PCDHA1: variants seen among roughly 807,000 people sequenced by gnomAD.
The protein encoded by PCDHA1 is protocadherin alpha-1.
PCDHA1 carries 42 observed loss-of-function variants against 61.3 expected under a neutral mutation model. The observed-to-expected ratio is 0.69, with a 90% CI of 0.54 to 0.89. PCDHA1 has a LOEUF of 0.89. PCDHA1 is among the 40% of genes least tolerant of loss of function. The pLI is 0.00. For missense variants in PCDHA1, 1,256 were observed against 1,235.3 expected, an observed-to-expected ratio of 1.02 and a Z score of -0.25; for synonymous variants, 610 against 553.8, an observed-to-expected ratio of 1.10 and a Z score of -1.43.
intron 1 of PCDHA1, chr5:140,824,471 T>C (rs1044239282): frequency 9.9e-6 from 4 of 402,254 alleles, no homozygotes; most frequent in African/African-American, 2.1e-5. Context: ...TTTATTTTAT[T>C]GTTATTTTTT....
chr5:140,833,890 A>G (rs1772705183), intron 1 of PCDHA1, among the ~76,000 whole-genome samples: 1 of 152,210 alleles, frequency 6.6e-6, no homozygotes, highest in African/African-American at 2.4e-5. Context: ...TGGGATCTAG[A>G]TCAAAGGAAT....
At chr5:140,957,023 G>C (rs1360382480) in intron 1 of PCDHA1, among the ~76,000 whole-genome samples, 2 of 152,100 alleles carry the variant, frequency 1.3e-5, no homozygotes, top group Non-Finnish European at 2.9e-5. Flanking sequence ...TGAGCATTTA[G>C]ATATTTATGG....
chr5:140,834,621 C>G lies in PCDHA1; in HGVS notation c.2394+45937C>G, dbSNP rs1479128016. On this transcript the variant is annotated intron_variant, in intron 1 of 3. Coordinates refer to ENST00000504120, the MANE Select transcript of PCDHA1 (RefSeq NM_018900.4). ...TGGGGATCTTCTGGAGGTAAATCTG[C>G]AGAATGGCATTTTGTTTGTGAATTC... The G allele has an allele frequency of 2.5e-6, 4 of 1,614,176 alleles. No homozygotes were observed. In the African/African-American group the frequency reaches 5.3e-5, roughly 22 times the overall value.
intron 1 of PCDHA1, among the ~76,000 whole-genome samples, chr5:140,827,710 T>C (rs1414085053): frequency 3.3e-5 from 5 of 152,232 alleles, no homozygotes; most frequent in Admixed American, 6.5e-5. Context: ...GTTGCAAATA[T>C]TGGTAGAAAA....
intron 1 of PCDHA1, chr5:140,841,149 T>G: frequency 1.3e-6 from 1 of 781,862 alleles, no homozygotes. Flanking sequence ...ATGATGTCGC[T>G]GTCTACCAAG....
At chr5:140,858,600 T>TA (rs1554151860) in intron 1 of PCDHA1, 1 of 1,293,862 alleles carries the variant, frequency 7.7e-7, no homozygotes, top group Non-Finnish European at 1.1e-6. Context: ...CCAGGAGTTT[T>TA]AAAATTTTTT....
intron 3 of PCDHA1, among the ~76,000 whole-genome samples, chr5:141,000,691 G>A (rs1177204689): frequency 3.3e-5 from 5 of 151,460 alleles, no homozygotes; most frequent in African/African-American, 1.2e-4. Flanking sequence ...GCCTCCCAAA[G>A]TGCTGGGATT....
chr5:140,876,283 G>T, intron 1 of PCDHA1: 1 of 1,614,056 alleles, frequency 6.2e-7, no homozygotes, highest in Non-Finnish European at 8.5e-7. Context: ...CGATCCAGAC[G>T]AAGGACTTAA....
At chr5:140,792,283 G>A (rs947860465) in intron 1 of PCDHA1, among the ~76,000 whole-genome samples, 1 of 151,632 alleles carries the variant, frequency 6.6e-6, no homozygotes, top group Non-Finnish European at 1.5e-5. Flanking sequence ...TTTATAAGGG[G>A]CAACCATCAT....
intron 2 of PCDHA1, among the ~76,000 whole-genome samples, chr5:140,981,130 CAA>C (rs1267278229): frequency 6.6e-6 from 1 of 152,186 alleles, no homozygotes; most frequent in East Asian, 1.9e-4. Flanking sequence ...TGTTTGAAGT[CAA>C]AGAGTGAGAA....
At chr5:140,828,787 G>C in intron 1 of PCDHA1, 3 of 1,614,216 alleles carry the variant, frequency 1.9e-6, no homozygotes, top group African/African-American at 1.3e-5. Flanking sequence ...TGGTCACAGT[G>C]CTGGATGTGA....
At chr5:140,843,457 G>C (rs2150360487) in intron 1 of PCDHA1, 4 of 1,596,058 alleles carry the variant, frequency 2.5e-6, no homozygotes, top group Admixed American at 1.7e-5. Flanking sequence ...GCCTGCTGGT[G>C]CTCACGCTGC....
intron 1 of PCDHA1, chr5:140,870,203 T>C (rs782746068): frequency 5.0e-6 from 8 of 1,613,986 alleles, no homozygotes; most frequent in Non-Finnish European, 5.1e-6. Flanking sequence ...CCCAGCACGG[T>C]CATTGCCCTG....
At chr5:140,964,118 C>G (rs1325218833) in intron 1 of PCDHA1, among the ~76,000 whole-genome samples, 1 of 151,942 alleles carries the variant, frequency 6.6e-6, no homozygotes, top group African/African-American at 2.4e-5. Flanking sequence ...CAATCACATT[C>G]TAACAACTAG....
chr5:141,007,470 A>G (rs1395064697), intron 3 of PCDHA1, among the ~76,000 whole-genome samples: 2 of 151,494 alleles, frequency 1.3e-5, no homozygotes. Context: ...CAGGAGGCTG[A>G]GGCACGAGAA....
intron 1 of PCDHA1, among the ~76,000 whole-genome samples, chr5:140,908,126 C>T (rs573751399): frequency 1.6e-4 from 24 of 152,360 alleles, no homozygotes; most frequent in South Asian, 1.0e-3. Context: ...TTTCCCTTCA[C>T]TGCTGTCCTT....
chr5:140,887,349 G>A (rs1311370450), intron 1 of PCDHA1, among the ~76,000 whole-genome samples: 2 of 152,084 alleles, frequency 1.3e-5, no homozygotes, highest in Non-Finnish European at 2.9e-5. Flanking sequence ...ACCTGGCTCG[G>A]CCTCCCAAAG....
intron 1 of PCDHA1, chr5:140,855,890 A>C (rs1314408448): frequency 2.8e-5 from 28 of 999,762 alleles, no homozygotes; most frequent in African/African-American, 2.3e-4. Context: ...TTTAGAACAA[A>C]GGCATCAGCC....
intron 1 of PCDHA1, among the ~76,000 whole-genome samples, chr5:140,924,534 C>G (rs1488047727): frequency 1.3e-5 from 2 of 152,134 alleles, no homozygotes; most frequent in African/African-American, 2.4e-5. Context: ...AATGCCCGAG[C>G]TACCCCTCTC....
Sources: allele counts gnomAD v4.1 joint callset (sites outside exome capture counted in the v4.1 genomes callset), GRCh38; gene constraint gnomAD v4.1.1; transcripts MANE v1.5; gene names NCBI Gene and HGNC (gene_info 2026-07-23, HGNC 2026-07-21).